NLGN1: variants seen among roughly 807,000 people sequenced by gnomAD.
NLGN1 encodes neuroligin-1.
In NLGN1, 12 loss-of-function variants were observed where a neutral mutation model predicts 65.5. The observed-to-expected ratio is 0.18, with a 90% CI of 0.12 to 0.30. NLGN1 has a LOEUF of 0.30. NLGN1 is among the 10% of genes least tolerant of loss of function. The probability of loss-of-function intolerance (pLI) is 1.00; values close to 1 mark genes in which losing one functional copy is unlikely to be tolerated. For missense variants in NLGN1, 750 were observed against 1,007.1 expected, an observed-to-expected ratio of 0.74 and a Z score of 3.46; for synonymous variants, 350 against 359.5, an observed-to-expected ratio of 0.97 and a Z score of 0.30.
chr3:174,033,918 A>C (rs552280202), intron 4 of NLGN1, among the ~76,000 whole-genome samples: 1 of 152,314 alleles, frequency 6.6e-6, no homozygotes, highest in Non-Finnish European at 1.5e-5. Flanking sequence ...ACTTTACAAA[A>C]TTAGTGACAG....
At chr3:173,904,140 T>C (rs916358607) in intron 4 of NLGN1, among the ~76,000 whole-genome samples, 1 of 152,184 alleles carries the variant, frequency 6.6e-6, no homozygotes, top group Non-Finnish European at 1.5e-5. Flanking sequence ...AAACTATCAA[T>C]GGCTTTTGGT....
At chr3:173,570,229 G>C (rs1451828456) in intron 2 of NLGN1, among the ~76,000 whole-genome samples, 1 of 152,052 alleles carries the variant, frequency 6.6e-6, no homozygotes, top group East Asian at 1.9e-4. Flanking sequence ...GGATTGATTA[G>C]GAAAGGGCAT....
At chr3:173,618,738 ATGGTGGAGGCTGAATCCTGGAGAGTGG>A (rs1407240982) in intron 3 of NLGN1, among the ~76,000 whole-genome samples, 1 of 152,052 alleles carries the variant, frequency 6.6e-6, no homozygotes, top group Non-Finnish European at 1.5e-5. Context: ...TTTCTAGTGG[ATGGTGGAGGCTGAATCCTGGAGAGTGG>A]TGGTGGAGAG....
chr3:173,992,359 T>TTCAGGCCC (rs150471127), intron 4 of NLGN1, among the ~76,000 whole-genome samples: 5,940 of 152,204 alleles, frequency 0.039, 337 homozygotes, highest in African/African-American at 0.13. Flanking sequence ...ATAGCCATAA[T>TTCAGGCCC]TGAAGCTGCA....
chr3:173,959,018 G>C (rs1712862125), intron 4 of NLGN1, among the ~76,000 whole-genome samples: 1 of 152,244 alleles, frequency 6.6e-6, no homozygotes, highest in Non-Finnish European at 1.5e-5. Flanking sequence ...GCCAGGCAGT[G>C]GAAGCAGGCA....
intron 4 of NLGN1, among the ~76,000 whole-genome samples, chr3:174,058,016 G>C (rs1469675017): frequency 6.6e-6 from 1 of 152,084 alleles, no homozygotes; most frequent in East Asian, 1.9e-4. Flanking sequence ...AGAGACAGTT[G>C]TAGCTAAGAT....
chr3:173,399,075 T>C (rs1717165432), intron 1 of NLGN1, among the ~76,000 whole-genome samples: 1 of 152,226 alleles, frequency 6.6e-6, no homozygotes, highest in Non-Finnish European at 1.5e-5. Context: ...ATATTTAAAA[T>C]ATTAAATGTT....
chr3:173,573,994 C>T (rs1270844139), intron 2 of NLGN1, among the ~76,000 whole-genome samples: 3 of 136,108 alleles, frequency 2.2e-5, no homozygotes, highest in Non-Finnish European at 4.6e-5. Context: ...ACCCAGGAGG[C>T]GGAGCTTGCA....
intron 3 of NLGN1, among the ~76,000 whole-genome samples, chr3:173,614,768 A>T (rs1167929068): frequency 6.6e-6 from 1 of 152,070 alleles, no homozygotes; most frequent in Non-Finnish European, 1.5e-5. Context: ...ACATATGTAT[A>T]TGGAGACACC....
At chr3:174,278,973 T>G in exon 6 of NLGN1, 1 of 1,564,576 alleles carries the variant, frequency 6.4e-7, no homozygotes, top group Non-Finnish European at 8.6e-7. Context: ...GTTGCAATGT[T>G]TCAGATACAG....
At chr3:173,641,392 C>G (rs1208294596) in intron 3 of NLGN1, among the ~76,000 whole-genome samples, 3 of 152,116 alleles carry the variant, frequency 2.0e-5, no homozygotes, top group Admixed American at 6.6e-5. Flanking sequence ...CGGCTCACTG[C>G]CAAGCTATTC....
intron 4 of NLGN1, among the ~76,000 whole-genome samples, chr3:173,854,081 C>T (rs1211721035): frequency 6.6e-6 from 1 of 151,824 alleles, no homozygotes; most frequent in Non-Finnish European, 1.5e-5. Context: ...ACATCAATCC[C>T]TCATTTTATC....
At chr3:173,419,010 T>G (rs1714395447) in intron 1 of NLGN1, among the ~76,000 whole-genome samples, 1 of 134,614 alleles carries the variant, frequency 7.4e-6, no homozygotes, top group Non-Finnish European at 1.6e-5. Context: ...TCTTTAGCTT[T>G]CTTCTTCTTC....
intron 4 of NLGN1, among the ~76,000 whole-genome samples, chr3:174,222,212 C>T (rs1033907582): frequency 1.3e-5 from 2 of 151,996 alleles, no homozygotes; most frequent in African/African-American, 2.4e-5. Context: ...CACAATCATG[C>T]GGTCTGTGAT....
intron 3 of NLGN1, among the ~76,000 whole-genome samples, chr3:173,656,965 TTACC>T (rs2072251292): frequency 6.6e-6 from 1 of 152,056 alleles, no homozygotes; most frequent in Non-Finnish European, 1.5e-5. Context: ...TCATTTTGTC[TTACC>T]TACCAGAAAG....
chr3:174,008,230 A>G (rs1383470874), intron 4 of NLGN1, among the ~76,000 whole-genome samples: 1 of 152,082 alleles, frequency 6.6e-6, no homozygotes, highest in East Asian at 1.9e-4. Flanking sequence ...AGATCTCACA[A>G]TATCTCTTAA....
intron 2 of NLGN1, among the ~76,000 whole-genome samples, chr3:173,597,512 G>T (rs1038862577): frequency 3.9e-5 from 6 of 151,926 alleles, no homozygotes; most frequent in African/African-American, 1.2e-4. Context: ...GATTCTCTCT[G>T]GTTTCTTTTA....
chr3:173,705,503 C>T (rs1767913406), intron 3 of NLGN1, among the ~76,000 whole-genome samples: 1 of 152,102 alleles, frequency 6.6e-6, no homozygotes. Flanking sequence ...CTTTGAAACA[C>T]ACCTGAGATT....
At chr3:173,648,302 A>G (rs1758598873) in intron 3 of NLGN1, among the ~76,000 whole-genome samples, 1 of 152,238 alleles carries the variant, frequency 6.6e-6, no homozygotes, top group African/African-American at 2.4e-5. Context: ...AAACACAATA[A>G]TAAGAAACCA....
Sources: gnomAD v4.1 joint callset for allele counts (sites outside exome capture counted in the v4.1 genomes callset) on GRCh38, gnomAD v4.1.1 for gene constraint, MANE v1.5 for transcripts, NCBI Gene and HGNC (gene_info 2026-07-23, HGNC 2026-07-21) for gene names.